Variants in EDIL3 observed in about 807,000 individuals in gnomAD.
EDIL3 encodes EGF like and discoidin domains 3.
EDIL3 carries 37 observed loss-of-function variants against 67.4 expected under a neutral mutation model. That is an observed-to-expected ratio of 0.55 (90% CI 0.42 to 0.72). The LOEUF is 0.72. EDIL3 is among the 30% of genes least tolerant of loss of function. EDIL3 has a pLI of 0.00. For missense variants in EDIL3, 527 were observed against 586.3 expected (o/e 0.90, Z 1.04); for synonymous variants, 195 against 196.3 (o/e 0.99, Z 0.05).
At chr5:84,155,671 C>T (rs1748478343) in intron 4 of EDIL3, among the ~76,000 whole-genome samples, 1 of 152,182 alleles carries the variant, frequency 6.6e-6, no homozygotes, top group Admixed American at 6.5e-5. Context: ...TCTCACTACA[C>T]TTTTTAAAAA....
chr5:84,093,277 T>C (rs1309867155), intron 6 of EDIL3, among the ~76,000 whole-genome samples: 1 of 152,114 alleles, frequency 6.6e-6, no homozygotes, highest in African/African-American at 2.4e-5. Flanking sequence ...GCCATGGGAA[T>C]AGACTTAAAC....
chr5:83,966,368 C>A (rs534042194), intron 9 of EDIL3, among the ~76,000 whole-genome samples: 1 of 152,142 alleles, frequency 6.6e-6, no homozygotes, highest in South Asian at 2.1e-4. Context: ...TGGACAAGAA[C>A]CAGTTCATGG....
intron 4 of EDIL3, among the ~76,000 whole-genome samples, chr5:84,166,346 TTTGTTCTCCCTTG>T (rs1197257148): frequency 2.6e-5 from 4 of 152,190 alleles, no homozygotes; most frequent in South Asian, 2.1e-4. Context: ...TGTTTGTTTG[TTTGTTCTCCCTTG>T]TTGTTCTCCC....
intron 6 of EDIL3, among the ~76,000 whole-genome samples, chr5:84,070,920 G>C (rs1288988993): frequency 6.6e-6 from 1 of 152,170 alleles, no homozygotes; most frequent in Non-Finnish European, 1.5e-5. Context: ...AGGTTATCAG[G>C]CTTGGGAAGA....
chr5:84,157,629 C>G (rs7705366), intron 4 of EDIL3, among the ~76,000 whole-genome samples: 1,630 of 152,012 alleles, frequency 0.011, 33 homozygotes, highest in African/African-American at 0.035. Context: ...TTTCTTGGAC[C>G]ATTTCCATTT....
chr5:84,274,902 T>G (rs1393765341), intron 1 of EDIL3, among the ~76,000 whole-genome samples: 1 of 152,216 alleles, frequency 6.6e-6, no homozygotes, highest in Non-Finnish European at 1.5e-5. Context: ...TTTTAGTGTA[T>G]GCTCATAAAT....
At chr5:84,229,950 G>GAGAA in intron 2 of EDIL3, 66 bp from the exon 3 acceptor site, 2 of 1,345,424 alleles carry the variant, frequency 1.5e-6, no homozygotes, top group Non-Finnish European at 2.1e-6. Flanking sequence ...AGGGGGGAGA[G>GAGAA]AGAAAGAAAG....
intron 3 of EDIL3, among the ~76,000 whole-genome samples, chr5:84,204,842 G>A (rs1333958688): frequency 3.5e-5 from 5 of 144,596 alleles, no homozygotes; most frequent in East Asian, 4.0e-4. Context: ...ACCTAAAAAC[G>A]AAATGCTGCT....
chr5:84,171,972 A>G (rs1328040773), intron 4 of EDIL3, among the ~76,000 whole-genome samples: 1 of 152,158 alleles, frequency 6.6e-6, no homozygotes, highest in Non-Finnish European at 1.5e-5. Flanking sequence ...TTATTAAATA[A>G]TCAGACATGG....
At chr5:84,179,722 C>G (rs1309843575) in intron 4 of EDIL3, among the ~76,000 whole-genome samples, 1 of 152,168 alleles carries the variant, frequency 6.6e-6, no homozygotes, top group African/African-American at 2.4e-5. Context: ...CTGTGAGAAT[C>G]TCCCTGACAG....
At chr5:84,297,895 T>C (rs994733102) in intron 1 of EDIL3, among the ~76,000 whole-genome samples, 14 of 152,162 alleles carry the variant, frequency 9.2e-5, no homozygotes, top group Admixed American at 3.3e-4. Context: ...CCCTGGATTC[T>C]ATCCAAGCCA....
At chr5:84,037,154 C>T (rs1289898206) in intron 9 of EDIL3, among the ~76,000 whole-genome samples, 2 of 152,190 alleles carry the variant, frequency 1.3e-5, no homozygotes, top group Non-Finnish European at 2.9e-5. Context: ...TGCACAAATG[C>T]ACCCTATGGG....
At chr5:83,970,264 A>ATATC (rs1403358011) in intron 9 of EDIL3, among the ~76,000 whole-genome samples, 1 of 146,256 alleles carries the variant, frequency 6.8e-6, no homozygotes, top group African/African-American at 2.5e-5. Context: ...AATTATATAT[A>ATATC]TATATATATA....
chr5:83,963,963 G>A (rs1744647983), intron 9 of EDIL3, among the ~76,000 whole-genome samples: 1 of 151,706 alleles, frequency 6.6e-6, no homozygotes, highest in Admixed American at 6.6e-5. Context: ...TTCTAAAATG[G>A]TTGAGGAGGA....
At chr5:84,271,549 G>C (rs907291670) in intron 1 of EDIL3, among the ~76,000 whole-genome samples, 1 of 151,898 alleles carries the variant, frequency 6.6e-6, no homozygotes, top group Non-Finnish European at 1.5e-5. Flanking sequence ...ATGTGCCTTG[G>C]GTTGTCCCCA....
chr5:84,152,394 G>A (rs1748411926), intron 4 of EDIL3, among the ~76,000 whole-genome samples: 1 of 152,004 alleles, frequency 6.6e-6, no homozygotes, highest in Non-Finnish European at 1.5e-5. Flanking sequence ...CAATTTCCAT[G>A]GTATCCAATG....
chr5:83,952,962 G>C (rs1744446767), intron 10 of EDIL3, among the ~76,000 whole-genome samples: 1 of 151,810 alleles, frequency 6.6e-6, no homozygotes, highest in African/African-American at 2.4e-5. Flanking sequence ...TCATGATGAG[G>C]GGAAAAGAGT....
chr5:84,382,260 G>T (rs1748092674), intron 1 of EDIL3, among the ~76,000 whole-genome samples: 1 of 152,208 alleles, frequency 6.6e-6, no homozygotes, highest in African/African-American at 2.4e-5. Context: ...AGAGAACCAG[G>T]ATGGAGAGTC....
intron 6 of EDIL3, among the ~76,000 whole-genome samples, chr5:84,090,967 A>G (rs1355830464): frequency 1.3e-5 from 2 of 151,450 alleles, no homozygotes; most frequent in East Asian, 3.9e-4. Flanking sequence ...AAAAAAAAAG[A>G]AAAAAGAAAA....
Sources: gnomAD v4.1 joint callset for allele counts (sites outside exome capture counted in the v4.1 genomes callset) on GRCh38, gnomAD v4.1.1 for gene constraint, MANE v1.5 for transcripts, NCBI Gene and HGNC (gene_info 2026-07-23, HGNC 2026-07-21) for gene names.